CAMK1D: variants seen among roughly 807,000 people sequenced by gnomAD.
The protein encoded by CAMK1D is calcium/calmodulin dependent protein kinase ID.
A neutral mutation model predicts 47.7 loss-of-function variants in CAMK1D; 9 were observed. The observed-to-expected ratio is 0.19, with a 90% CI of 0.11 to 0.33. CAMK1D has a LOEUF of 0.33. Among genes scored for constraint, CAMK1D ranks in the 10% least tolerant of loss-of-function variants. The pLI, the probability that CAMK1D is intolerant of heterozygous loss-of-function variation, is 1.00. For missense variants in CAMK1D, 291 were observed against 488.7 expected (o/e 0.60, Z 3.81); for synonymous variants, 184 against 184.9 (o/e 0.99, Z 0.04).
At chr10:12,433,065 G>C (rs1219056314) in intron 1 of CAMK1D, among the ~76,000 whole-genome samples, 1 of 152,162 alleles carries the variant, frequency 6.6e-6, no homozygotes, top group African/African-American at 2.4e-5. Flanking sequence ...GAGCAGGTGG[G>C]GCGTGAATTA....
chr10:12,523,298 C>T lies in CAMK1D; in HGVS notation c.93-29927C>T, dbSNP rs570733498. ...GCAGAGGGGCTCCTCACTTCTCAGACGATGGGCGGCCAGGCAGAGACGCTC... is the reference window on the plus strand; with the variant it reads ...GCAGAGGGGCTCCTCACTTCTCAGATGATGGGCGGCCAGGCAGAGACGCTC... On this transcript the variant is annotated intron_variant, in intron 1 of 10. Transcript: ENST00000619168. 2.2e-3 allele frequency among the ~76,000 whole-genome samples: 323 copies of T among 148,478 alleles called. 2 individuals are homozygous for T. The highest frequency in any genetic ancestry group is 5.9e-3 in the African/African-American group (236 of 40,160).
intron 5 of CAMK1D, among the ~76,000 whole-genome samples, chr10:12,778,725 T>C (rs553406608): frequency 6.6e-6 from 1 of 152,062 alleles, no homozygotes; most frequent in African/African-American, 2.4e-5. Context: ...AAAAAAATAG[T>C]AGGTGGGTGT....
At chr10:12,418,012 G>C (rs938761390) in intron 1 of CAMK1D, among the ~76,000 whole-genome samples, 1 of 152,164 alleles carries the variant, frequency 6.6e-6, no homozygotes, top group Admixed American at 6.5e-5. Context: ...ATGTTGGCCA[G>C]GCTGGTCTCG....
intron 2 of CAMK1D, among the ~76,000 whole-genome samples, chr10:12,584,936 T>G (rs1430595590): frequency 6.6e-6 from 1 of 152,236 alleles, no homozygotes; most frequent in Non-Finnish European, 1.5e-5. Context: ...AAACATGCTT[T>G]ACAATTCCTG....
intron 3 of CAMK1D, among the ~76,000 whole-genome samples, chr10:12,758,256 G>A (rs954086451): frequency 1.7e-4 from 26 of 152,234 alleles, no homozygotes; most frequent in African/African-American, 6.0e-4. Flanking sequence ...TCTGGGGGAC[G>A]TAAACATTCA....
intron 1 of CAMK1D, among the ~76,000 whole-genome samples, chr10:12,464,835 T>C (rs1381317098): frequency 6.9e-6 from 1 of 145,300 alleles, no homozygotes; most frequent in Non-Finnish European, 1.5e-5. Flanking sequence ...AAAAAAAGAG[T>C]GATCAAATTC....
chr10:12,373,341 A>G (rs2131859717), intron 1 of CAMK1D, among the ~76,000 whole-genome samples: 2 of 152,136 alleles, frequency 1.3e-5, no homozygotes, highest in Admixed American at 1.3e-4. Flanking sequence ...TATTAAAAAA[A>G]TAAAAACAGT....
intron 2 of CAMK1D, among the ~76,000 whole-genome samples, chr10:12,639,203 A>G (rs1441082484): frequency 6.6e-6 from 1 of 152,220 alleles, no homozygotes; most frequent in Non-Finnish European, 1.5e-5. Flanking sequence ...AGACCTAATC[A>G]GGCCGGGTGC....
intron 1 of CAMK1D, among the ~76,000 whole-genome samples, chr10:12,379,315 A>G (rs1838276115): frequency 6.6e-6 from 1 of 152,246 alleles, no homozygotes; most frequent in Non-Finnish European, 1.5e-5. Flanking sequence ...CATGATGCTG[A>G]ACCTCTACTT....
chr10:12,365,919 G>C (rs1457955826), intron 1 of CAMK1D, among the ~76,000 whole-genome samples: 1 of 152,204 alleles, frequency 6.6e-6, no homozygotes, highest in Non-Finnish European at 1.5e-5. Context: ...AGCTGGGCGT[G>C]GTGGCACATG....
chr10:12,683,347 A>G (rs139142064), intron 3 of CAMK1D, among the ~76,000 whole-genome samples: 1 of 152,132 alleles, frequency 6.6e-6, no homozygotes, highest in Non-Finnish European at 1.5e-5. Flanking sequence ...TGGTCTCCCA[A>G]AGTGCTAGGA....
At chr10:12,587,845 T>C (rs1837867266) in intron 2 of CAMK1D, among the ~76,000 whole-genome samples, 1 of 152,190 alleles carries the variant, frequency 6.6e-6, no homozygotes, top group Admixed American at 6.5e-5. Flanking sequence ...GTATGACCTG[T>C]CATCAATAAA....
At chr10:12,524,037 A>G (rs948719071) in intron 1 of CAMK1D, among the ~76,000 whole-genome samples, 1 of 151,820 alleles carries the variant, frequency 6.6e-6, no homozygotes, top group African/African-American at 2.4e-5. Flanking sequence ...GACTACAGGC[A>G]CCCACCACCA....
Position 12,749,465 on chromosome 10 carries a change from G to T in CAMK1D, c.300-11483G>T, listed in dbSNP as rs60671229. On this transcript the variant is annotated intron_variant, in intron 3 of 10. Transcript: ENST00000619168. Reference sequence around the variant, plus strand: ...AGTTAAAAAAAAAAAAAAAAAAAAAGAAATCCATTGTAAGAATGGCTTTTG... The same window carrying T: ...AGTTAAAAAAAAAAAAAAAAAAAAATAAATCCATTGTAAGAATGGCTTTTG... Among the ~76,000 whole-genome samples, 109 of 115,144 alleles carry T rather than the reference G, an allele frequency of 9.5e-4. No individual in the cohort carries two copies. The East Asian group carries it at 0.018, about 19-fold the overall frequency. 75.5% of individuals were successfully genotyped at this position (115,144 alleles called of 152,430 possible). A position where few individuals can be genotyped will look rare whatever the true frequency, so the allele number is the denominator to read the frequency against.
chr10:12,375,004 C>A (rs1838134770), intron 1 of CAMK1D, among the ~76,000 whole-genome samples: 1 of 151,676 alleles, frequency 6.6e-6, no homozygotes, highest in South Asian at 2.1e-4. Flanking sequence ...TATGTGTTGC[C>A]CAGGCTGGTC....
rs560036351 is a variant in CAMK1D, at chr10:12,388,504, G to A, written c.92+38594G>A. Among the ~76,000 whole-genome samples the A allele has an allele frequency of 1.6e-4, 25 of 152,284 alleles. No individual in the cohort carries two copies. The South Asian group carries it at 5.0e-3, about 30-fold the overall frequency. On this transcript the variant is annotated intron_variant, in intron 1 of 10. Transcript: ENST00000619168. ...AGCAGAGAAAAAAGCCTTCATCTACGCTGGTGTGCCTTCTTGGCCCAGGAA... is the reference window on the plus strand; with the variant it reads ...AGCAGAGAAAAAAGCCTTCATCTACACTGGTGTGCCTTCTTGGCCCAGGAA...
intron 6 of CAMK1D, among the ~76,000 whole-genome samples, chr10:12,808,829 A>C (rs1051171965): frequency 7.9e-5 from 12 of 152,008 alleles, no homozygotes; most frequent in African/African-American, 2.9e-4. Context: ...TATAAGATCC[A>C]TACAGGGCTG....
intron 3 of CAMK1D, among the ~76,000 whole-genome samples, chr10:12,734,370 ATATATAT>A (rs1835051848): frequency 8.6e-5 from 2 of 23,310 alleles, no homozygotes; most frequent in African/African-American, 1.7e-4. Flanking sequence ...ATATATATAT[ATATATAT>A]AGATATAGAT....
Position 12,595,342 on chromosome 10 carries a change from G to GAAAAAAAAAAAAAAAAAAAAAAAAAAA in CAMK1D, c.224+42008_224+42009insAAAAAAAAAAAAAAAAAAAAAAAAAAA, listed in dbSNP as rs535214333. Among the ~76,000 whole-genome samples the GAAAAAAAAAAAAAAAAAAAAAAAAAAA allele has an allele frequency of 8.5e-5, 2 of 23,564 alleles. 1 individual carries two copies. The highest frequency in any genetic ancestry group is 1.8e-3 in the Admixed American group (2 of 1,134). 15.5% of individuals were successfully genotyped at this position (23,564 alleles called of 152,430 possible). Reference sequence around the variant, plus strand: ...GGGCAACAAGAGTGAAACTCCATCTGAAAAAAAAAAAAAAAAAAAAAAGGA... The same window carrying GAAAAAAAAAAAAAAAAAAAAAAAAAAA: ...GGGCAACAAGAGTGAAACTCCATCTGAAAAAAAAAAAAAAAAAAAAAAAAAAAAAAAAAAAAAAAAAAAAAAAAAGGA... On this transcript the variant is annotated intron_variant, in intron 2 of 10. Transcript: ENST00000619168.
Sources: gnomAD v4.1 joint callset for allele counts (sites outside exome capture counted in the v4.1 genomes callset) on GRCh38, gnomAD v4.1.1 for gene constraint, MANE v1.5 for transcripts, NCBI Gene and HGNC (gene_info 2026-07-23, HGNC 2026-07-21) for gene names.